The following RAPGEF2 variants were observed in gnomAD, a reference collection of about 807,000 sequenced individuals.
RAPGEF2 encodes the protein PDZ domain containing guanine nucleotide exchange factor (GEF) 1.
In RAPGEF2, 54 loss-of-function variants were observed where a neutral mutation model predicts 186.7. The observed-to-expected ratio is 0.29, with a 90% confidence interval of 0.23 to 0.36. The LOEUF (loss-of-function observed/expected upper bound fraction) is 0.36. Among genes scored for constraint, RAPGEF2 ranks in the 10% least tolerant of loss-of-function variants. The pLI, the probability that RAPGEF2 is intolerant of heterozygous loss-of-function variation, is 1.00. For missense variants in RAPGEF2, 1,532 were observed against 2,045.0 expected (o/e 0.75, Z 4.84); for synonymous variants, 712 against 705.9 (o/e 1.01, Z -0.14).
rs139120075 is a variant in RAPGEF2 at position 159,135,702 on chromosome 4, C to T, written c.69+31471C>T. 5.3e-3 allele frequency among the ~76,000 whole-genome samples: 812 copies of T among 152,134 alleles called. 8 individuals are homozygous for T. The highest frequency in any genetic ancestry group is 0.019 in the African/African-American group (772 of 41,506). ...GCAACCTCTGCCTCCCGGGTTCAAGCGATTTTCCAGCCTCAGCCTCCTGAG... is the reference window on the plus strand; with the variant it reads ...GCAACCTCTGCCTCCCGGGTTCAAGTGATTTTCCAGCCTCAGCCTCCTGAG... On this transcript the variant is annotated intron_variant, in intron 1 of 29. Coordinates refer to ENST00000691494, the MANE Select transcript of RAPGEF2 (RefSeq NM_001394067.2).
chr4:159,242,393 C>T (rs551015465), intron 6 of RAPGEF2, among the ~76,000 whole-genome samples: 1 of 151,626 alleles, frequency 6.6e-6, no homozygotes, highest in South Asian at 2.1e-4. Flanking sequence ...ATACAAAATG[C>T]ATGGGAAAAA....
intron 11 of RAPGEF2, chr4:159,326,780 T>G (rs1765986129): frequency 6.6e-6 from 1 of 152,370 alleles, no homozygotes; most frequent in Admixed American, 6.5e-5. Flanking sequence ...CTGTTGCCCT[T>G]TCTTTATTTC....
intron 1 of RAPGEF2, among the ~76,000 whole-genome samples, chr4:159,184,713 G>A (rs1333971869): frequency 6.6e-6 from 1 of 152,172 alleles, no homozygotes; most frequent in Non-Finnish European, 1.5e-5. Context: ...TCTGATGGTA[G>A]TTTCTTTTGC....
intron 7 of RAPGEF2, among the ~76,000 whole-genome samples, chr4:159,260,818 G>A (rs959938461): frequency 9.2e-5 from 14 of 151,906 alleles, no homozygotes; most frequent in Admixed American, 2.6e-4. Context: ...GCGCGATCTC[G>A]GCTCACCACA....
intron 4 of RAPGEF2, among the ~76,000 whole-genome samples, chr4:159,214,949 G>T (rs1383693495): frequency 6.6e-6 from 1 of 152,122 alleles, no homozygotes. Context: ...TGCAGCCTCC[G>T]CCTTCCACGT....
At chr4:159,200,363 G>A (rs77019759) in intron 3 of RAPGEF2, among the ~76,000 whole-genome samples, 7,547 of 152,228 alleles carry the variant, frequency 0.05, 268 homozygotes, top group Non-Finnish European at 0.074. Flanking sequence ...CACTGCTCAG[G>A]AGGCTGAGGT....
At chr4:159,288,469 G>T (rs1178580859) in intron 7 of RAPGEF2, among the ~76,000 whole-genome samples, 1 of 152,060 alleles carries the variant, frequency 6.6e-6, no homozygotes, top group Admixed American at 6.6e-5. Context: ...TTGTTGTCCA[G>T]ATGGCATACC....
intron 5 of RAPGEF2, among the ~76,000 whole-genome samples, chr4:159,240,821 T>C (rs1300910855): frequency 1.3e-5 from 2 of 150,610 alleles, no homozygotes; most frequent in African/African-American, 2.4e-5. Context: ...TTTTTTTTTT[T>C]TTTTTCTTTT....
intron 4 of RAPGEF2, among the ~76,000 whole-genome samples, chr4:159,227,852 A>G (rs929920550): frequency 2.0e-5 from 3 of 152,118 alleles, no homozygotes; most frequent in South Asian, 2.1e-4. Context: ...AGTATTTTCC[A>G]TGGTAATCCC....
At chr4:159,286,844 A>T (rs1236125317) in intron 7 of RAPGEF2, among the ~76,000 whole-genome samples, 1 of 152,020 alleles carries the variant, frequency 6.6e-6, no homozygotes, top group Admixed American at 6.6e-5. Context: ...ATTGATTATT[A>T]TATTTTGGGT....
intron 4 of RAPGEF2, among the ~76,000 whole-genome samples, chr4:159,227,113 A>G (rs565078094): frequency 6.6e-6 from 1 of 152,334 alleles, no homozygotes; most frequent in East Asian, 1.9e-4. Context: ...TGGGCAGGTT[A>G]GTGGCTAGGT....
At chr4:159,326,026 T>C (rs1372589994) in intron 11 of RAPGEF2, among the ~76,000 whole-genome samples, 1 of 152,178 alleles carries the variant, frequency 6.6e-6, no homozygotes, top group African/African-American at 2.4e-5. Flanking sequence ...CCTATCTTCC[T>C]TTCTGCTACA....
chr4:159,125,931 A>G (rs989388066), intron 1 of RAPGEF2, among the ~76,000 whole-genome samples: 1 of 152,158 alleles, frequency 6.6e-6, no homozygotes, highest in African/African-American at 2.4e-5. Flanking sequence ...GACCACTCAG[A>G]ATTTGGCAAC....
chr4:159,258,215 T>C (rs1389600283), intron 7 of RAPGEF2, among the ~76,000 whole-genome samples: 1 of 152,204 alleles, frequency 6.6e-6, no homozygotes, highest in Non-Finnish European at 1.5e-5. Context: ...CTCCATGCCT[T>C]TTTAGAGCTG....
chr4:159,105,278 C>T (rs938952662), intron 1 of RAPGEF2, among the ~76,000 whole-genome samples: 2 of 152,210 alleles, frequency 1.3e-5, no homozygotes, highest in Non-Finnish European at 2.9e-5. Context: ...GACCATCAGA[C>T]ATTTAGGATC....
intron 7 of RAPGEF2, among the ~76,000 whole-genome samples, chr4:159,258,213 C>T (rs1756408524): frequency 6.6e-6 from 1 of 152,094 alleles, no homozygotes; most frequent in Non-Finnish European, 1.5e-5. Context: ...CTCTCCATGC[C>T]TTTTTAGAGC....
intron 17 of RAPGEF2, among the ~76,000 whole-genome samples, chr4:159,335,328 A>T (rs1359267235): frequency 2.6e-5 from 4 of 152,340 alleles, no homozygotes; most frequent in Middle Eastern, 3.4e-3. Flanking sequence ...CTATAAAACC[A>T]GTGCAGATCG....
At position 159,243,776 on chromosome 4, in the gene RAPGEF2, A is replaced by G; in HGVS notation, c.528A>G (p.Glu176=). The G allele has an allele frequency of 3.1e-6, 4 of 1,283,084 alleles. No homozygotes were observed. Among genetic ancestry groups the G allele is most frequent in the Non-Finnish European group, 4.1e-6 (4 of 982,822 alleles). The allele number at this position is 1,283,084 out of a possible 1,614,324, so 79.5% of individuals were successfully genotyped here. ...ACTCATTTCATTTTGGCTCAAAGGAATGCACTAAATCTCAGGTATTGTAAT... is the reference window on the plus strand; with the variant it reads ...ACTCATTTCATTTTGGCTCAAAGGAGTGCACTAAATCTCAGGTATTGTAAT... The part of the protein sequence containing the change: ...KPPLPRGYHT[E]CTKSQLPADF... Residue 176 remains glutamate, a splice_region_variant and synonymous_variant, in exon 7 of 30, where the codon GAA becomes GAG. Transcript: ENST00000691494.
At chr4:159,180,011 A>G (rs1004369705) in intron 1 of RAPGEF2, among the ~76,000 whole-genome samples, 3 of 152,172 alleles carry the variant, frequency 2.0e-5, no homozygotes, top group East Asian at 1.9e-4. Context: ...GGCTTGGGTA[A>G]TGTGAGGTCT....
Sources: gnomAD v4.1 joint callset for allele counts (sites outside exome capture counted in the v4.1 genomes callset) on GRCh38, gnomAD v4.1.1 for gene constraint, MANE v1.5 for transcripts, NCBI Gene and HGNC (gene_info 2026-07-23, HGNC 2026-07-21) for gene names.